Variants in TMEM278 observed in about 807,000 individuals in gnomAD.
The protein encoded by TMEM278 is transmembrane protein 88B.
the TMEM278 span, chr1:1,426,049 A>G: frequency 4.7e-6 from 6 of 1,278,350 alleles, no homozygotes; most frequent in African/African-American, 6.2e-5. Flanking sequence ...GGCGGGGTTA[A>G]AGGTCTTCCA....
At chr1:1,429,580 GGT>G in the TMEM278 span, among the ~76,000 whole-genome samples, 1 of 152,272 alleles carries the variant, frequency 6.6e-6, no homozygotes, top group East Asian at 1.9e-4. Context: ...TCAGTAGCAT[GGT>G]GTTTCTCTGA....
chr1:1,427,868 G>A, the TMEM278 span: 443 of 1,252,602 alleles, frequency 3.5e-4, 6 homozygotes, highest in African/African-American at 6.7e-3. Context: ...GAAAACTGAG[G>A]GTCGCCCCCG....
chr1:1,427,275 G>T, the TMEM278 span, among the ~76,000 whole-genome samples: 218 of 80,058 alleles, frequency 2.7e-3, 2 homozygotes, highest in Non-Finnish European at 4.8e-3. Flanking sequence ...ATCCCTCACC[G>T]TCCGGCCCTC....
the TMEM278 span, among the ~76,000 whole-genome samples, chr1:1,428,223 G>C: frequency 6.6e-6 from 1 of 150,990 alleles, no homozygotes; most frequent in Non-Finnish European, 1.5e-5. Context: ...GGCAGAGCCC[G>C]GCAGGCAGCC....
the TMEM278 span, among the ~76,000 whole-genome samples, chr1:1,428,947 C>T: frequency 1.3e-5 from 2 of 148,670 alleles, no homozygotes; most frequent in African/African-American, 5.0e-5. Flanking sequence ...TTGCAGTGAG[C>T]CAAGATCACG....
chr1:1,427,215 T>G, the TMEM278 span, among the ~76,000 whole-genome samples: 1 of 131,130 alleles, frequency 7.6e-6, no homozygotes, highest in African/African-American at 3.0e-5. Context: ...CATCCTTTCC[T>G]CCACCCCGCT....
At chr1:1,426,762 C>T in the TMEM278 span, among the ~76,000 whole-genome samples, 2 of 152,112 alleles carry the variant, frequency 1.3e-5, no homozygotes, top group Non-Finnish European at 2.9e-5. Flanking sequence ...CTCCCAGGCC[C>T]TCCTGCCAGC....
At chr1:1,426,175 T>C in the TMEM278 span, 126,054 of 1,412,122 alleles carry the variant, frequency 0.089, 11,385 homozygotes, top group African/African-American at 0.48. Context: ...GGGGAGGTGG[T>C]GCTTCCGACA....
At chr1:1,428,892 C>T in the TMEM278 span, among the ~76,000 whole-genome samples, 1 of 150,178 alleles carries the variant, frequency 6.7e-6, no homozygotes, top group Non-Finnish European at 1.5e-5. Flanking sequence ...ACCAGCTACT[C>T]GGGAGGCTGA....
the TMEM278 span, among the ~76,000 whole-genome samples, chr1:1,428,565 T>G: frequency 1.3e-5 from 2 of 152,196 alleles, no homozygotes; most frequent in African/African-American, 4.8e-5. Context: ...TCATCAGCTC[T>G]GGAAATCCCT....
chr1:1,427,626 G>A, the TMEM278 span: 6 of 1,331,086 alleles, frequency 4.5e-6, no homozygotes, highest in Non-Finnish European at 5.8e-6. Flanking sequence ...CATCGTGTTC[G>A]GGCTTCTCTC....
the TMEM278 span, chr1:1,426,274 CCGGCTGCTGGCCGGGCTCCTG>C: frequency 2.7e-6 from 4 of 1,493,222 alleles, no homozygotes; most frequent in Non-Finnish European, 3.6e-6. Flanking sequence ...TGCTGCCCGG[CCGGCTGCTGGCCGGGCTCCTG>C]CTGCACCTCC....
chr1:1,426,443 C>T, the TMEM278 span: 11 of 1,306,840 alleles, frequency 8.4e-6, no homozygotes, highest in Non-Finnish European at 1.1e-5. Flanking sequence ...TGGGCGTGCC[C>T]TGGGTCTGAA....
the TMEM278 span, chr1:1,427,734 C>T: frequency 7.7e-7 from 1 of 1,305,174 alleles, no homozygotes; most frequent in Non-Finnish European, 9.7e-7. Context: ...CCCCGGACCC[C>T]GCCGCCCCCC....
the TMEM278 span, among the ~76,000 whole-genome samples, chr1:1,426,866 G>A: frequency 6.6e-6 from 1 of 151,972 alleles, no homozygotes; most frequent in Non-Finnish European, 1.5e-5. Context: ...CTGGTGATGA[G>A]AGGGCGCAGG....
chr1:1,429,283 G>T, the TMEM278 span, among the ~76,000 whole-genome samples: 1 of 152,070 alleles, frequency 6.6e-6, no homozygotes, highest in African/African-American at 2.4e-5. Flanking sequence ...TGGAGGCAGA[G>T]GTTGGAGTGA....
chr1:1,428,020 A>G, the TMEM278 span, among the ~76,000 whole-genome samples: 3 of 3,050 alleles, frequency 9.8e-4, no homozygotes, highest in African/African-American at 1.8e-3. Context: ...AGGGGGAGAG[A>G]GGGGAGGGGA....
the TMEM278 span, among the ~76,000 whole-genome samples, chr1:1,427,266 TCCCTCACCGTCCGG>T: frequency 1.0e-5 from 1 of 95,268 alleles, no homozygotes; most frequent in Non-Finnish European, 2.1e-5. Flanking sequence ...CGCCCATCCA[TCCCTCACCGTCCGG>T]CCCTCACCGC....
At chr1:1,427,839 C>T in the TMEM278 span, 4 of 1,340,608 alleles carry the variant, frequency 3.0e-6, no homozygotes, top group African/African-American at 3.2e-5. Flanking sequence ...CGCGCGACCC[C>T]ATCGCGTGGC....
Sources: gnomAD v4.1 joint callset for allele counts (sites outside exome capture counted in the v4.1 genomes callset) on GRCh38, gnomAD v4.1.1 for gene constraint, MANE v1.5 for transcripts, NCBI Gene and HGNC (gene_info 2026-07-23, HGNC 2026-07-21) for gene names.